SKIC3: variants seen among roughly 807,000 people sequenced by gnomAD.
SKIC3 encodes the protein SKI3 subunit of superkiller complex.
chr5:95,493,830 T>C, the SKIC3 span, among the ~76,000 whole-genome samples: 1 of 151,528 alleles, frequency 6.6e-6, no homozygotes, highest in African/African-American at 2.4e-5. Context: ...TATTATATTA[T>C]ATAAAAATAT....
chr5:95,502,836 C>G, the SKIC3 span: 1 of 1,607,452 alleles, frequency 6.2e-7, no homozygotes, highest in Non-Finnish European at 8.5e-7. Flanking sequence ...ACCCAAATAT[C>G]TAAGTATCTG....
chr5:95,510,607 C>A, the SKIC3 span, among the ~76,000 whole-genome samples: 1 of 152,158 alleles, frequency 6.6e-6, no homozygotes, highest in South Asian at 2.1e-4. Context: ...GAACTGACTG[C>A]GCAAGAAGAC....
chr5:95,554,527 T>C, the SKIC3 span, among the ~76,000 whole-genome samples: 1 of 152,238 alleles, frequency 6.6e-6, no homozygotes, highest in Non-Finnish European at 1.5e-5. Flanking sequence ...CTTTGCTCTC[T>C]GAAGGCAAGG....
the SKIC3 span, among the ~76,000 whole-genome samples, chr5:95,467,140 G>C: frequency 2.8e-4 from 42 of 152,190 alleles, no homozygotes; most frequent in Middle Eastern, 3.4e-3. Flanking sequence ...TACATTTAAT[G>C]GATGACTTTT....
chr5:95,548,276 A>G, the SKIC3 span, among the ~76,000 whole-genome samples: 5 of 152,074 alleles, frequency 3.3e-5, no homozygotes. Flanking sequence ...AAGATGAATC[A>G]CTGACATGGT....
chr5:95,525,594 G>A, the SKIC3 span: 1 of 1,613,964 alleles, frequency 6.2e-7, no homozygotes, highest in Non-Finnish European at 8.5e-7. Context: ...AACCTTTGCA[G>A]CTTCATCAAA....
chr5:95,474,611 T>C, the SKIC3 span, among the ~76,000 whole-genome samples: 1 of 152,174 alleles, frequency 6.6e-6, no homozygotes, highest in South Asian at 2.1e-4. Flanking sequence ...GGGATGATCA[T>C]CTTGTACAGT....
the SKIC3 span, chr5:95,478,244 A>AT: frequency 4.0e-5 from 64 of 1,608,050 alleles, 1 homozygote; most frequent in African/African-American, 7.8e-4. Context: ...TCAAAGAAAG[A>AT]TAAAAAAATC....
the SKIC3 span, among the ~76,000 whole-genome samples, chr5:95,472,143 T>C: frequency 2.6e-5 from 4 of 152,146 alleles, no homozygotes; most frequent in African/African-American, 4.8e-5. Flanking sequence ...TAGGTGGCCT[T>C]AGTGAACAGG....
the SKIC3 span, chr5:95,498,470 T>C: frequency 8.7e-6 from 14 of 1,614,064 alleles, no homozygotes; most frequent in Admixed American, 1.7e-5. Context: ...TTACTGTCTT[T>C]GTGTTTGATG....
At chr5:95,497,833 A>G in the SKIC3 span, among the ~76,000 whole-genome samples, 1 of 152,136 alleles carries the variant, frequency 6.6e-6, no homozygotes, top group African/African-American at 2.4e-5. Flanking sequence ...ACTACTAATA[A>G]AAATGACATA....
the SKIC3 span, chr5:95,478,467 G>A: frequency 1.9e-6 from 3 of 1,613,364 alleles, no homozygotes; most frequent in Admixed American, 1.7e-5. Flanking sequence ...AGGAGAAGGA[G>A]GCAAAGGATT....
the SKIC3 span, chr5:95,522,327 A>C: frequency 2.2e-5 from 35 of 1,611,756 alleles, no homozygotes; most frequent in Non-Finnish European, 3.0e-5. Context: ...AAAAAACCGT[A>C]AGAGAACTAA....
At chr5:95,526,012 G>A in the SKIC3 span, among the ~76,000 whole-genome samples, 1 of 151,996 alleles carries the variant, frequency 6.6e-6, no homozygotes, top group Non-Finnish European at 1.5e-5. Flanking sequence ...ACAAATCCCA[G>A]ATATTGTAAC....
At chr5:95,502,197 G>A in the SKIC3 span, among the ~76,000 whole-genome samples, 1 of 152,056 alleles carries the variant, frequency 6.6e-6, no homozygotes, top group African/African-American at 2.4e-5. Context: ...CACTTAGTGG[G>A]TGGGAGGCAA....
At chr5:95,466,865 C>T in the SKIC3 span, among the ~76,000 whole-genome samples, 48 of 152,248 alleles carry the variant, frequency 3.2e-4, no homozygotes, top group South Asian at 2.5e-3. Flanking sequence ...TTTTTCTTTG[C>T]TTCCTTACTA....
the SKIC3 span, chr5:95,495,022 A>T: frequency 3.1e-6 from 5 of 1,613,504 alleles, no homozygotes; most frequent in Non-Finnish European, 4.2e-6. Context: ...ACCTCCCTAG[A>T]ACAGAAAATA....
the SKIC3 span, among the ~76,000 whole-genome samples, chr5:95,488,258 A>T: frequency 1.3e-5 from 2 of 152,228 alleles, no homozygotes; most frequent in Admixed American, 6.5e-5. Context: ...TAAAAAAACT[A>T]TTTAACAAAA....
the SKIC3 span, chr5:95,543,222 C>G: frequency 6.2e-7 from 1 of 1,613,896 alleles, no homozygotes; most frequent in Non-Finnish European, 8.5e-7. Flanking sequence ...AATTCAGCAG[C>G]TTTTTTATAG....
Sources: gnomAD v4.1 joint callset for allele counts (sites outside exome capture counted in the v4.1 genomes callset) on GRCh38, gnomAD v4.1.1 for gene constraint, MANE v1.5 for transcripts, NCBI Gene and HGNC (gene_info 2026-07-23, HGNC 2026-07-21) for gene names.